ZNF804A: variants seen among roughly 807,000 people sequenced by gnomAD.
The protein encoded by ZNF804A is zinc finger protein 804A.
Under a neutral mutation model 16.5 loss-of-function variants are expected in ZNF804A, and 2 were observed. The ratio of observed to expected loss-of-function variants is 0.12; its 90% CI spans 0.05 to 0.38. ZNF804A has a LOEUF of 0.38. ZNF804A is among the 10% of genes least tolerant of loss of function. The probability of loss-of-function intolerance (pLI) is 0.99; values close to 1 mark genes in which losing one functional copy is unlikely to be tolerated. For missense variants in ZNF804A, 1,473 were observed against 1,390.7 expected (o/e 1.06, Z -0.94); for synonymous variants, 534 against 489.6 (o/e 1.09, Z -1.20).
chr2:184,614,828 A>G (rs1559108606), intron 1 of ZNF804A, among the ~76,000 whole-genome samples: 1 of 152,210 alleles, frequency 6.6e-6, no homozygotes, highest in Non-Finnish European at 1.5e-5. Flanking sequence ...AATCAAAACC[A>G]CAATGAGATA....
chr2:184,896,269 CA>C (rs1399478565), intron 2 of ZNF804A, among the ~76,000 whole-genome samples: 1 of 152,048 alleles, frequency 6.6e-6, no homozygotes, highest in East Asian at 1.9e-4. Flanking sequence ...AGGATGCATT[CA>C]TGTCCCAAAT....
At chr2:184,884,015 C>A (rs1471082009) in intron 2 of ZNF804A, among the ~76,000 whole-genome samples, 1 of 152,054 alleles carries the variant, frequency 6.6e-6, no homozygotes, top group Non-Finnish European at 1.5e-5. Context: ...GAAAGTCAAA[C>A]TATCCTTGTA....
rs575439580 is a variant in ZNF804A at position 184,808,895 on chromosome 2, G to A, written c.112-57474G>A. Among the ~76,000 whole-genome samples the A allele has an allele frequency of 2.8e-4, 42 of 151,694 alleles. No individual in the cohort carries two copies. The Middle Eastern group carries it at 0.01, about 37-fold the overall frequency. On this transcript the variant is annotated intron_variant, in intron 1 of 3. Transcript: ENST00000302277. ...TTTGTTAACCCAGTCCATTGTAGAC[G>A]TATCTTTCTGCAAAAAAACAAAACA...
At chr2:184,836,470 G>A (rs1387633291) in intron 1 of ZNF804A, among the ~76,000 whole-genome samples, 1 of 152,104 alleles carries the variant, frequency 6.6e-6, no homozygotes, top group African/African-American at 2.4e-5. Context: ...CAGTGGGACA[G>A]TGTGATTACA....
chr2:184,792,837 A>G (rs1018192736), intron 1 of ZNF804A, among the ~76,000 whole-genome samples: 4 of 152,048 alleles, frequency 2.6e-5, no homozygotes, highest in African/African-American at 4.8e-5. Context: ...TGGGAATATT[A>G]CATGATGCTG....
At chr2:184,615,530 A>G (rs1691305504) in intron 1 of ZNF804A, among the ~76,000 whole-genome samples, 1 of 152,164 alleles carries the variant, frequency 6.6e-6, no homozygotes, top group South Asian at 2.1e-4. Context: ...AAAAAAAATA[A>G]AAATTACCAT....
chr2:184,880,750 C>T (rs539270008), intron 2 of ZNF804A, among the ~76,000 whole-genome samples: 1 of 152,094 alleles, frequency 6.6e-6, no homozygotes, highest in East Asian at 1.9e-4. Context: ...CTCCTGAAGT[C>T]CTTCTTGCTG....
intron 1 of ZNF804A, among the ~76,000 whole-genome samples, chr2:184,792,885 C>T (rs189874338): frequency 6.6e-6 from 1 of 152,156 alleles, no homozygotes; most frequent in East Asian, 1.9e-4. Context: ...AGGTAGTGAG[C>T]ATAGTACCCA....
intron 2 of ZNF804A, among the ~76,000 whole-genome samples, chr2:184,874,531 G>C (rs1389804821): frequency 1.3e-5 from 2 of 152,062 alleles, no homozygotes; most frequent in African/African-American, 2.4e-5. Context: ...TATAATTGAT[G>C]CTATTGTTAA....
chr2:184,838,164 C>A (rs569986719), intron 1 of ZNF804A, among the ~76,000 whole-genome samples: 1 of 152,030 alleles, frequency 6.6e-6, no homozygotes, highest in Middle Eastern at 3.4e-3. Context: ...TCTTATGATT[C>A]TATATTAAAT....
intron 1 of ZNF804A, among the ~76,000 whole-genome samples, chr2:184,813,167 T>G (rs777887064): frequency 4.6e-5 from 7 of 152,102 alleles, no homozygotes; most frequent in Non-Finnish European, 7.4e-5. Flanking sequence ...AGAAAAGTAT[T>G]TATTCATACA....
intron 1 of ZNF804A, among the ~76,000 whole-genome samples, chr2:184,861,097 G>A (rs777860413): frequency 2.6e-5 from 4 of 152,182 alleles, no homozygotes; most frequent in Non-Finnish European, 5.9e-5. Context: ...TAGTCCACAG[G>A]TACTGTCCTG....
intron 1 of ZNF804A, among the ~76,000 whole-genome samples, chr2:184,655,432 T>G (rs1692060970): frequency 6.6e-6 from 1 of 152,124 alleles, no homozygotes; most frequent in African/African-American, 2.4e-5. Context: ...AATTTTTGTG[T>G]TAGCTGGGTT....
At chr2:184,806,334 G>T (rs181578837) in intron 1 of ZNF804A, among the ~76,000 whole-genome samples, 47 of 151,950 alleles carry the variant, frequency 3.1e-4, no homozygotes, top group Non-Finnish European at 5.9e-4. Context: ...TAGAAATATA[G>T]AAATTTAATA....
At chr2:184,838,817 C>T (rs1386414795) in intron 1 of ZNF804A, among the ~76,000 whole-genome samples, 1 of 151,942 alleles carries the variant, frequency 6.6e-6, no homozygotes. Context: ...AATATCAGCC[C>T]GGCAGTGCTC....
chr2:184,695,570 T>C (rs1002740519), intron 1 of ZNF804A, among the ~76,000 whole-genome samples: 2 of 150,666 alleles, frequency 1.3e-5, no homozygotes, highest in East Asian at 3.9e-4. Flanking sequence ...ATCGGCATGA[T>C]CATGTTCAGC....
At chr2:184,652,879 C>G (rs895786508) in intron 1 of ZNF804A, among the ~76,000 whole-genome samples, 1 of 152,102 alleles carries the variant, frequency 6.6e-6, no homozygotes, top group South Asian at 2.1e-4. Flanking sequence ...AGGGGCTTCC[C>G]TCTTTGCTAG....
intron 1 of ZNF804A, among the ~76,000 whole-genome samples, chr2:184,861,134 A>C (rs545241810): frequency 3.8e-4 from 58 of 152,312 alleles, no homozygotes; most frequent in African/African-American, 1.4e-3. Context: ...GGCCCTGCCC[A>C]GCATTAGTTT....
chr2:184,881,175 T>C (rs560272661), intron 2 of ZNF804A, among the ~76,000 whole-genome samples: 1 of 152,108 alleles, frequency 6.6e-6, no homozygotes, highest in South Asian at 2.1e-4. Context: ...TCTCAGAGCT[T>C]GAAGGCCTAC....
Sources: gnomAD v4.1 joint callset for allele counts (sites outside exome capture counted in the v4.1 genomes callset) on GRCh38, gnomAD v4.1.1 for gene constraint, MANE v1.5 for transcripts, NCBI Gene and HGNC (gene_info 2026-07-23, HGNC 2026-07-21) for gene names.